ENKUR: variants seen among roughly 807,000 people sequenced by gnomAD.
The protein encoded by ENKUR is enkurin, TRPC channel interacting protein.
ENKUR carries 19 observed loss-of-function variants against 27.6 expected under a neutral mutation model. That is an observed-to-expected ratio of 0.69 (90% confidence interval 0.48 to 1.01). ENKUR has a LOEUF of 1.01. Ranked by LOEUF, ENKUR falls within the 50% of genes least tolerant of loss-of-function variation. The pLI is 0.00. For missense variants in ENKUR, 312 were observed against 310.5 expected (o/e 1.00, Z -0.04); for synonymous variants, 117 against 96.9 (o/e 1.21, Z -1.22).
chr10:25,008,683 G>A (rs112987699), intron 1 of ENKUR, among the ~76,000 whole-genome samples: 24 of 152,138 alleles, frequency 1.6e-4, no homozygotes, highest in African/African-American at 3.1e-4. Flanking sequence ...TAGTTCAACC[G>A]TTGTGGAAGT....
chr10:25,059,132 C>CT (rs759162602), intron 2 of ENKUR, among the ~76,000 whole-genome samples: 7,675 of 120,472 alleles, frequency 0.064, 283 homozygotes, highest in Non-Finnish European at 0.086. Context: ...CTTTTTCTTT[C>CT]TTTTTTTTTT....
At chr10:25,011,588 T>C (rs1564343619) in intron 1 of ENKUR, among the ~76,000 whole-genome samples, 1 of 152,102 alleles carries the variant, frequency 6.6e-6, no homozygotes, top group Admixed American at 6.5e-5. Context: ...TAATTCAAGA[T>C]GGATTAAAGA....
chr10:25,016,086 C>G lies in ENKUR; in HGVS notation c.-150G>C, dbSNP rs796767020. The G allele has an allele frequency of 3.5e-5, 48 of 1,383,622 alleles. No homozygotes were observed. The African/African-American group carries it at 5.9e-4, about 17-fold the overall frequency. The allele number at this position is 1,383,622 out of a possible 1,614,324, so 85.7% of individuals were successfully genotyped here. On this transcript the variant is annotated 5_prime_UTR_variant, in exon 1 of 6. Coordinates refer to ENST00000331161, the MANE Select transcript of ENKUR (RefSeq NM_145010.4). ...TCTCCTTCACATCGTCCCCCTTTAA[C>G]CCCCTCTTAGCAGTCCTCTCTCGGG...
At chr10:25,024,469 CA>C (rs750852271) in intron 2 of ENKUR, 15 of 1,613,992 alleles carry the variant, frequency 9.3e-6, no homozygotes, top group Non-Finnish European at 1.7e-6. Flanking sequence ...AAGTGATTTT[CA>C]AAAAGCACAA....
intron 1 of ENKUR, among the ~76,000 whole-genome samples, chr10:25,007,689 C>T (rs1436893364): frequency 6.6e-6 from 1 of 152,134 alleles, no homozygotes; most frequent in Non-Finnish European, 1.5e-5. Flanking sequence ...CTGCCTCGGC[C>T]TCCCAAAGTG....
chr10:25,004,074 T>A (rs541123586), intron 1 of ENKUR, among the ~76,000 whole-genome samples: 2 of 152,198 alleles, frequency 1.3e-5, no homozygotes, highest in Non-Finnish European at 2.9e-5. Context: ...TTTTTACATG[T>A]ACACATCCAT....
At chr10:25,020,184 G>A (rs1850688355), upstream of ENKUR, among the ~76,000 whole-genome samples, 1 of 151,314 alleles carries the variant, frequency 6.6e-6, no homozygotes, top group South Asian at 2.1e-4. Flanking sequence ...CATGTTTGTG[G>A]GAAATAATAT....
intron 2 of ENKUR, chr10:25,024,586 G>A (rs746689206): frequency 6.2e-7 from 1 of 1,614,110 alleles, no homozygotes; most frequent in Non-Finnish European, 8.5e-7. Context: ...TGATTTTACT[G>A]GCTTTCTTAC....
chr10:25,050,581 C>T (rs1156228647), intron 2 of ENKUR, among the ~76,000 whole-genome samples: 1 of 152,220 alleles, frequency 6.6e-6, no homozygotes, highest in Non-Finnish European at 1.5e-5. Context: ...GTCCCTTCTA[C>T]GACTCGTGGG....
rs545777390 is a variant in ENKUR, at chr10:25,002,061, G to C, written c.78-2515C>G. Among the ~76,000 whole-genome samples the C allele has an allele frequency of 7.2e-5, 11 of 152,142 alleles. 1 individual carries two copies. Among genetic ancestry groups the C allele is most frequent in the Admixed American group, 7.2e-4 (11 of 15,262 alleles). On this transcript the variant is annotated intron_variant, in intron 1 of 5. Coordinates refer to ENST00000331161, the MANE Select transcript of ENKUR (RefSeq NM_145010.4). ...TTGGAAACAGTGTGATCATTTTAAG[G>C]CTTGCTTTAAGTGTTAGGGTAATTC... is the stretch of plus-strand genomic sequence containing the variant.
intron 2 of ENKUR, among the ~76,000 whole-genome samples, chr10:24,998,289 T>G (rs1285607624): frequency 6.6e-6 from 1 of 151,822 alleles, no homozygotes; most frequent in Non-Finnish European, 1.5e-5. Context: ...TTTTCTTTTC[T>G]TTTCTTCTCT....
chr10:25,013,967 A>C (rs201914806), intron 1 of ENKUR, among the ~76,000 whole-genome samples: 1 of 148,604 alleles, frequency 6.7e-6, no homozygotes, highest in Non-Finnish European at 1.5e-5. Context: ...TAAAAAAAAA[A>C]GGGTGACAGA....
chr10:25,057,274 G>T (rs1369116707), intron 2 of ENKUR, among the ~76,000 whole-genome samples: 3 of 151,942 alleles, frequency 2.0e-5, no homozygotes, highest in African/African-American at 7.3e-5. Flanking sequence ...TGGGAGTGAA[G>T]TAATGAGATA....
chr10:24,999,111 A>C (rs572997296), intron 2 of ENKUR, among the ~76,000 whole-genome samples: 1 of 152,250 alleles, frequency 6.6e-6, no homozygotes, highest in South Asian at 2.1e-4. Flanking sequence ...CTTTTCCTAT[A>C]ATTGTTGTTT....
At position 25,059,612 on chromosome 10, in the gene ENKUR, C is replaced by T. The variant is rs541892321; in HGVS notation, c.37+1500G>A. Among the ~76,000 whole-genome samples the T allele has an allele frequency of 1.5e-4, 23 of 152,282 alleles. No homozygotes were observed. In the South Asian group the frequency reaches 2.7e-3, roughly 18 times the overall value. On this transcript the variant is annotated intron_variant, in intron 2 of 5. Transcript: ENST00000615958. ...CCAGCACACAGACCAGTGCCTGGTA[C>T]CCCCACTGGGCACCCCCCAAAAAAT...
chr10:25,005,287 A>G (rs947531661), intron 1 of ENKUR, among the ~76,000 whole-genome samples: 22 of 152,216 alleles, frequency 1.4e-4, no homozygotes, highest in African/African-American at 5.3e-4. Context: ...CATCTTCAGA[A>G]AACATACCAA....
chr10:24,987,500 TCAGCCAGGCATGGTGGTATCC>T (rs1849804729), intron 4 of ENKUR, among the ~76,000 whole-genome samples: 1 of 151,810 alleles, frequency 6.6e-6, no homozygotes, highest in African/African-American at 2.4e-5. Flanking sequence ...TAAAAAAAAA[TCAGCCAGGCATGGTGGTATCC>T]CAGCTAGCAG....
At chr10:25,055,974 G>A (rs545231021) in intron 2 of ENKUR, among the ~76,000 whole-genome samples, 2 of 152,172 alleles carry the variant, frequency 1.3e-5, no homozygotes, top group Non-Finnish European at 2.9e-5. Flanking sequence ...TTAGAAGTTG[G>A]TAAGAATGTT....
intron 1 of ENKUR, among the ~76,000 whole-genome samples, chr10:25,015,238 T>C (rs772603904): frequency 6.6e-6 from 1 of 152,202 alleles, no homozygotes; most frequent in Non-Finnish European, 1.5e-5. Flanking sequence ...CTATGTAAAA[T>C]TTCAACTCAA....
Sources: allele counts gnomAD v4.1 joint callset (sites outside exome capture counted in the v4.1 genomes callset), GRCh38; gene constraint gnomAD v4.1.1; transcripts MANE v1.5; gene names NCBI Gene and HGNC (gene_info 2026-07-23, HGNC 2026-07-21).